The following LMBRD1 variants were observed in gnomAD, a reference collection of about 807,000 sequenced individuals.
LMBRD1 encodes the protein lysosomal cobalamin transport escort protein LMBD1.
Under a neutral mutation model 74.8 loss-of-function variants are expected in LMBRD1, and 64 were observed. The ratio of observed to expected loss-of-function variants is 0.86; its 90% CI spans 0.70 to 1.05. The LOEUF (loss-of-function observed/expected upper bound fraction) is 1.05, where lower values mean the gene tolerates loss of function less well. Ranked by LOEUF, LMBRD1 falls within the 50% of genes least tolerant of loss-of-function variation. The pLI is 0.00. For missense variants in LMBRD1, 652 were observed against 645.9 expected, an observed-to-expected ratio of 1.01 and a Z score of -0.10; for synonymous variants, 204 against 216.3, an observed-to-expected ratio of 0.94 and a Z score of 0.50.
intron 7 of LMBRD1, among the ~76,000 whole-genome samples, chr6:69,730,189 T>A (rs1424476699): frequency 1.3e-5 from 2 of 152,088 alleles, no homozygotes; most frequent in South Asian, 2.1e-4. Flanking sequence ...AAATAATATA[T>A]ACAAACTACA....
chr6:69,787,367 T>C (rs1055087007), intron 2 of LMBRD1, among the ~76,000 whole-genome samples: 1 of 152,134 alleles, frequency 6.6e-6, no homozygotes, highest in African/African-American at 2.4e-5. Flanking sequence ...ACAGAATGTT[T>C]CAAGGTATCA....
chr6:69,688,618 C>A (rs1171064277), intron 14 of LMBRD1, among the ~76,000 whole-genome samples: 1 of 151,858 alleles, frequency 6.6e-6, no homozygotes, highest in Non-Finnish European at 1.5e-5. Context: ...TTTCAACAAA[C>A]TGGGAAAAAA....
In LMBRD1 at chr6:69,796,861, G is replaced by T; in HGVS notation, c.21C>A (p.Ala7=). 6.2e-7 allele frequency: 1 copy of T among 1,614,156 alleles called. No homozygotes were observed. Among genetic ancestry groups the T allele is most frequent in the Non-Finnish European group, 8.5e-7 (1 of 1,180,034 alleles). Residue 7 remains alanine (A), a synonymous_variant, in exon 1 of 16, where the codon GCC becomes GCA. Transcript: ENST00000649934. The part of the protein sequence containing the change: MATSGA[A]SAELVIGWCI... ...ACCAGCCGATCACCAGCTCCGCCGA[G>T]GCCGCGCCAGAAGTCGCCATCTTCG...
At chr6:69,718,593 G>C (rs553280384) in intron 8 of LMBRD1, among the ~76,000 whole-genome samples, 1 of 152,142 alleles carries the variant, frequency 6.6e-6, no homozygotes, top group East Asian at 1.9e-4. Flanking sequence ...ATAGCAGAAG[G>C]GTAAGCAAAC....
intron 1 of LMBRD1, among the ~76,000 whole-genome samples, chr6:69,793,910 G>T (rs553918496): frequency 6.6e-6 from 1 of 151,864 alleles, no homozygotes; most frequent in Non-Finnish European, 1.5e-5. Context: ...TAGTAGGAAT[G>T]GGGCTTTGCC....
chr6:69,793,303 G>A (rs1766130774), intron 1 of LMBRD1, among the ~76,000 whole-genome samples: 1 of 152,120 alleles, frequency 6.6e-6, no homozygotes, highest in Non-Finnish European at 1.5e-5. Flanking sequence ...CAAACCACTG[G>A]GGCAGAAGAA....
intron 7 of LMBRD1, among the ~76,000 whole-genome samples, chr6:69,719,776 T>C (rs1184681085): frequency 2.6e-5 from 4 of 152,196 alleles, no homozygotes; most frequent in Admixed American, 1.3e-4. Context: ...GCAGAAACAC[T>C]GACAACTATC....
chr6:69,781,309 C>T (rs139160758), intron 2 of LMBRD1, among the ~76,000 whole-genome samples: 24 of 152,178 alleles, frequency 1.6e-4, no homozygotes, highest in African/African-American at 5.3e-4. Context: ...GCCTTTTTGG[C>T]CTATACTCTA....
chr6:69,741,754 A>G (rs1365641473), intron 6 of LMBRD1, 35 bp downstream of exon 6: 1 of 1,236,292 alleles, frequency 8.1e-7, no homozygotes, highest in Admixed American at 1.7e-5. Flanking sequence ...CAGGAAATAT[A>G]AACTACTATG....
chr6:69,778,061 G>A (rs2149891785), intron 3 of LMBRD1, among the ~76,000 whole-genome samples: 1 of 152,322 alleles, frequency 6.6e-6, no homozygotes, highest in East Asian at 1.9e-4. Context: ...AGCCATAGCT[G>A]AGATGGAGAT....
At chr6:69,757,521 T>A (rs892678646) in intron 3 of LMBRD1, among the ~76,000 whole-genome samples, 3 of 152,250 alleles carry the variant, frequency 2.0e-5, no homozygotes, top group African/African-American at 7.2e-5. Context: ...TCTTTCTCAG[T>A]GTCCTTTATA....
chr6:69,796,702 G>T, intron 1 of LMBRD1, 111 bp downstream of exon 1: 1 of 951,424 alleles, frequency 1.1e-6, no homozygotes, highest in Non-Finnish European at 1.6e-6. Flanking sequence ...CAAGCTAAAA[G>T]CGGGGCGGGG....
At chr6:69,714,840 G>A (rs542990932) in intron 8 of LMBRD1, among the ~76,000 whole-genome samples, 3 of 152,100 alleles carry the variant, frequency 2.0e-5, no homozygotes, top group East Asian at 1.9e-4. Flanking sequence ...CCTCTCCCAC[G>A]ACTTATCTTG....
At chr6:69,726,317 G>A (rs919097074) in intron 7 of LMBRD1, among the ~76,000 whole-genome samples, 2 of 152,164 alleles carry the variant, frequency 1.3e-5, no homozygotes, top group African/African-American at 4.8e-5. Flanking sequence ...GAATAGTTTG[G>A]AGGTTCCTCA....
rs548937711 is a variant in LMBRD1, at chr6:69,776,891, A to G, written c.307+3603T>C. Among the ~76,000 whole-genome samples, 154 of 152,308 alleles carry G rather than the reference A, an allele frequency of 1.0e-3. No individual in the cohort carries two copies. The Middle Eastern group carries it at 0.01, about 10-fold the overall frequency. On this transcript the variant is annotated intron_variant, in intron 3 of 15. Transcript: ENST00000649934. ...CCCCAGTGGGCAGGTGCAGTGGCTC[A>G]CGTCTGTAATCCCAGCACTTTGAGA... is the stretch of plus-strand genomic sequence containing the variant.
At chr6:69,742,852 A>T (rs1292039081) in intron 5 of LMBRD1, among the ~76,000 whole-genome samples, 1 of 152,160 alleles carries the variant, frequency 6.6e-6, no homozygotes, top group Non-Finnish European at 1.5e-5. Flanking sequence ...ACTCTTATTT[A>T]AAAAATGACT....
At chr6:69,790,161 C>T (rs1291007949) in intron 2 of LMBRD1, 135 bp downstream of exon 2, 2 of 682,796 alleles carry the variant, frequency 2.9e-6, no homozygotes, top group Admixed American at 2.3e-5. Flanking sequence ...TTAGATGTCA[C>T]ATTCTCAGCT....
At chr6:69,681,341 AT>A (rs955459037) in intron 14 of LMBRD1, among the ~76,000 whole-genome samples, 7 of 151,584 alleles carry the variant, frequency 4.6e-5, no homozygotes, top group African/African-American at 1.7e-4. Flanking sequence ...CAAGTACACC[AT>A]TTTTTTTGTA....
intron 4 of LMBRD1, among the ~76,000 whole-genome samples, chr6:69,750,469 A>G (rs1399578329): frequency 6.6e-6 from 1 of 152,090 alleles, no homozygotes; most frequent in African/African-American, 2.4e-5. Flanking sequence ...ATACGAATAA[A>G]AAAGTTAATA....
Sources: gnomAD v4.1 joint callset for allele counts (sites outside exome capture counted in the v4.1 genomes callset) on GRCh38, gnomAD v4.1.1 for gene constraint, MANE v1.5 for transcripts, NCBI Gene and HGNC (gene_info 2026-07-23, HGNC 2026-07-21) for gene names.